TSPAN11: variants seen among roughly 807,000 people sequenced by gnomAD.
TSPAN11 encodes the protein tetraspanin-11.
In TSPAN11, 29 loss-of-function variants were observed where a neutral mutation model predicts 32.9. That is an observed-to-expected ratio of 0.88 (90% CI 0.66 to 1.20). The LOEUF (loss-of-function observed/expected upper bound fraction) is 1.20. Among genes scored for constraint, TSPAN11 ranks in the 50% most tolerant of loss-of-function variants. The probability of loss-of-function intolerance (pLI) is 0.00; values close to 1 mark genes in which losing one functional copy is unlikely to be tolerated. For synonymous variants in TSPAN11, 140 were observed against 141.3 expected (o/e 0.99, Z 0.07); for missense variants, 283 against 329.1 (o/e 0.86, Z 1.08).
At chr12:30,946,490 CT>C (rs1414716913) in intron 1 of TSPAN11, among the ~76,000 whole-genome samples, 1 of 152,208 alleles carries the variant, frequency 6.6e-6, no homozygotes, top group African/African-American at 2.4e-5. Flanking sequence ...TGTGGTTCAG[CT>C]GCCCCAGCTC....
intron 1 of TSPAN11, among the ~76,000 whole-genome samples, chr12:30,947,468 AG>A (rs761737009): frequency 4.7e-4 from 72 of 152,292 alleles, no homozygotes; most frequent in Non-Finnish European, 9.7e-4. Flanking sequence ...GAAGAAAAAG[AG>A]GTTTAATTGG....
the TSPAN11 span, among the ~76,000 whole-genome samples, chr12:31,013,625 C>CAAAACAAAACAAAAT: frequency 6.6e-6 from 1 of 151,184 alleles, no homozygotes; most frequent in Non-Finnish European, 1.5e-5. Context: ...CAAAACAAAA[C>CAAAACAAAACAAAAT]GAGGGAGCAT....
chr12:30,950,102 C>A (rs911140677), intron 1 of TSPAN11, among the ~76,000 whole-genome samples: 3 of 152,070 alleles, frequency 2.0e-5, no homozygotes, highest in South Asian at 2.1e-4. Flanking sequence ...CCATTCCCCC[C>A]ACCCCCTTCT....
chr12:30,985,175 G>A (rs1939176695), intron 7 of TSPAN11, among the ~76,000 whole-genome samples: 1 of 152,040 alleles, frequency 6.6e-6, no homozygotes, highest in Non-Finnish European at 1.5e-5. Flanking sequence ...TCTTGGTTCT[G>A]CCATCTACAG....
rs746847398 is a variant in TSPAN11, at chr12:30,982,619, G to A, written c.544G>A (p.Asp182Asn). 1.1e-5 allele frequency: 18 copies of A among 1,612,300 alleles called. No individual in the cohort carries two copies. The highest frequency in any genetic ancestry group is 5.5e-5 in the South Asian group (5 of 90,994). Residue 182 changes from aspartate to asparagine, a missense_variant, in exon 6 of 8, where the codon GAC becomes AAC. Transcript: ENST00000546076. ...LREAEGRQVP[D>N]SCCKTVVVRC... ...GGAGGCCGAGGGCCGCCAGGTGCCC[G>A]ACAGCTGCTGCAAGACAGTGGTGGT...
At chr12:31,009,478 G>C in the TSPAN11 span, among the ~76,000 whole-genome samples, 1 of 152,210 alleles carries the variant, frequency 6.6e-6, no homozygotes, top group Non-Finnish European at 1.5e-5. Flanking sequence ...CAAGCATGAT[G>C]CTGGGCACAG....
intron 5 of TSPAN11, among the ~76,000 whole-genome samples, chr12:30,980,518 A>C (rs1298358928): frequency 6.6e-6 from 1 of 151,634 alleles, no homozygotes; most frequent in African/African-American, 2.4e-5. Context: ...CCACCTGCCC[A>C]CTCTGGTCCC....
At chr12:30,933,192 T>G (rs1252433313) in intron 1 of TSPAN11, among the ~76,000 whole-genome samples, 1 of 152,188 alleles carries the variant, frequency 6.6e-6, no homozygotes. Flanking sequence ...GGCTGGGGCA[T>G]CACAGTCACT....
At chr12:30,952,680 T>A (rs1401285101) in intron 1 of TSPAN11, among the ~76,000 whole-genome samples, 1 of 152,118 alleles carries the variant, frequency 6.6e-6, no homozygotes, top group African/African-American at 2.4e-5. Flanking sequence ...GAAAGGATGG[T>A]CCAGTTGGGG....
the TSPAN11 span, among the ~76,000 whole-genome samples, chr12:31,009,012 A>G: frequency 6.6e-6 from 1 of 152,002 alleles, no homozygotes; most frequent in Admixed American, 6.6e-5. Flanking sequence ...CAAAATAATG[A>G]CCCCAATCGC....
In TSPAN11 at chr12:30,981,251, C is replaced by T. The variant is rs536975361; in HGVS notation, c.457-1281C>T. 1.5e-4 allele frequency among the ~76,000 whole-genome samples: 23 copies of T among 152,326 alleles called. No homozygotes were observed. In the South Asian group the frequency reaches 4.6e-3, roughly 30 times the overall value. ...CCCTGAGAAAGCAGTGGCTGCAGAG[C>T]CAGGGCCAGCACCCGGCCCTCCAGC... is the stretch of plus-strand genomic sequence containing the variant. On this transcript the variant is annotated intron_variant, in intron 5 of 7. Coordinates refer to ENST00000546076, the MANE Select transcript of TSPAN11 (RefSeq NM_001370302.1).
intron 1 of TSPAN11, among the ~76,000 whole-genome samples, chr12:30,927,232 T>G (rs1210744913): frequency 1.3e-5 from 2 of 152,228 alleles, no homozygotes; most frequent in African/African-American, 4.8e-5. Context: ...TGGTGCACAT[T>G]GCTTTCAGAG....
chr12:30,954,182 G>A lies in TSPAN11; in HGVS notation c.84+107G>A, dbSNP rs1592472175. The A allele has an allele frequency of 5.1e-6, 4 of 777,240 alleles. No individual in the cohort carries two copies. In the East Asian group the frequency reaches 1.0e-4, roughly 19 times the overall value. The allele number at this position is 777,240 out of a possible 1,614,324, so 48.1% of individuals were successfully genotyped here. A position where few individuals can be genotyped will look rare whatever the true frequency, so the allele number is the denominator to read the frequency against. ...TGAGGTTGATATCTTCCAAATCAAA[G>A]ATCAACGATCAACCATGGGTGAATT... On this transcript the variant is annotated intron_variant, in intron 2 of 7. Transcript: ENST00000546076.
chr12:30,987,210 GGA>G (rs1464716700), intron 7 of TSPAN11, among the ~76,000 whole-genome samples: 1 of 152,212 alleles, frequency 6.6e-6, no homozygotes. Context: ...TAGAAATCAT[GGA>G]GAGAGTCAGG....
At chr12:30,932,626 ATTCATACCCTG>A (rs1238961847) in intron 1 of TSPAN11, among the ~76,000 whole-genome samples, 2 of 152,188 alleles carry the variant, frequency 1.3e-5, no homozygotes, top group Non-Finnish European at 2.9e-5. Flanking sequence ...GACATCAGTG[ATTCATACCCTG>A]TTTGTGTGAG....
At chr12:30,971,843 TA>T (rs5797394) in intron 3 of TSPAN11, among the ~76,000 whole-genome samples, 53,515 of 150,236 alleles carry the variant, frequency 0.36, 10,237 homozygotes, top group East Asian at 0.54. Flanking sequence ...AGGCCTCGTG[TA>T]AAAAAAAAAA....
At chr12:31,016,106 G>A in the TSPAN11 span, among the ~76,000 whole-genome samples, 12 of 152,182 alleles carry the variant, frequency 7.9e-5, no homozygotes, top group African/African-American at 2.4e-4. Flanking sequence ...ACGAGACCAC[G>A]TCTCTAAAAA....
intron 1 of TSPAN11, among the ~76,000 whole-genome samples, chr12:30,927,638 C>T (rs1937829940): frequency 1.3e-5 from 2 of 151,942 alleles, no homozygotes; most frequent in Admixed American, 1.3e-4. Context: ...CATAAGTGCA[C>T]TCTGGGGCAT....
In TSPAN11 at chr12:30,947,227, C is replaced by G. The variant is rs557341506; in HGVS notation, c.-11-6754C>G. ...GAAAAATTGTGGGGTACAACAAGGT[C>G]CTAGACAGGGGAGTCCATTAGGACA... On this transcript the variant is annotated intron_variant, in intron 1 of 7. Coordinates refer to ENST00000546076, the MANE Select transcript of TSPAN11 (RefSeq NM_001370302.1). Among the ~76,000 whole-genome samples, 17 of 152,250 alleles carry G rather than the reference C, an allele frequency of 1.1e-4. No homozygotes were observed. In the South Asian group the frequency reaches 3.3e-3, roughly 30 times the overall value.
Sources: allele counts gnomAD v4.1 joint callset (sites outside exome capture counted in the v4.1 genomes callset), GRCh38; gene constraint gnomAD v4.1.1; transcripts MANE v1.5; gene names NCBI Gene and HGNC (gene_info 2026-07-23, HGNC 2026-07-21).